SLC36A1: variants seen among roughly 807,000 people sequenced by gnomAD.
The protein encoded by SLC36A1 is proton-coupled amino acid transporter 1.
SLC36A1 carries 30 observed loss-of-function variants against 47.5 expected under a neutral mutation model. The ratio of observed to expected loss-of-function variants is 0.63; its 90% confidence interval spans 0.47 to 0.86. The LOEUF is 0.86. SLC36A1 is among the 40% of genes least tolerant of loss of function. The pLI is 0.00. For synonymous variants in SLC36A1, 255 were observed against 249.7 expected (o/e 1.02, Z -0.20); for missense variants, 517 against 606.0 (o/e 0.85, Z 1.54).
the SLC36A1 span, among the ~76,000 whole-genome samples, chr5:151,430,239 A>G: frequency 6.7e-6 from 1 of 149,624 alleles, no homozygotes; most frequent in African/African-American, 2.5e-5. Context: ...ATCTTGACTC[A>G]GTGCAACCTC....
At chr5:151,471,749 C>G (rs1757341391) in intron 7 of SLC36A1, among the ~76,000 whole-genome samples, 1 of 152,136 alleles carries the variant, frequency 6.6e-6, no homozygotes, top group African/African-American at 2.4e-5. Flanking sequence ...GCTTTGAAAT[C>G]TTTCAAAGTG....
the SLC36A1 span, among the ~76,000 whole-genome samples, chr5:151,416,417 C>T: frequency 6.6e-6 from 1 of 152,348 alleles, no homozygotes; most frequent in South Asian, 2.1e-4. Flanking sequence ...TCCAAGACCA[C>T]TCCGAAGGGC....
the SLC36A1 span, chr5:151,554,443 C>T: frequency 3.1e-6 from 5 of 1,614,216 alleles, no homozygotes; most frequent in Middle Eastern, 1.6e-4. Context: ...TGAAGGCCTC[C>T]TCATCGCTGT....
At chr5:151,546,776 T>C in the SLC36A1 span, among the ~76,000 whole-genome samples, 1 of 152,078 alleles carries the variant, frequency 6.6e-6, no homozygotes, top group Non-Finnish European at 1.5e-5. Context: ...TGGAATGTAG[T>C]GATGTGAGCA....
At chr5:151,418,548 C>T in the SLC36A1 span, among the ~76,000 whole-genome samples, 7 of 152,190 alleles carry the variant, frequency 4.6e-5, no homozygotes, top group Non-Finnish European at 8.8e-5. Flanking sequence ...GGATTTTGGG[C>T]TTGCATGGAG....
chr5:151,431,571 T>G, the SLC36A1 span, among the ~76,000 whole-genome samples: 1,742 of 152,266 alleles, frequency 0.011, 27 homozygotes, highest in African/African-American at 0.039. Context: ...GACCCGGTGA[T>G]AGGTAATTGA....
chr5:151,554,723 T>G, the SLC36A1 span: 16,086 of 1,422,702 alleles, frequency 0.011, 114 homozygotes, highest in Non-Finnish European at 0.014. Flanking sequence ...TGCAAATTAG[T>G]GACTATGCTT....
chr5:151,349,983 GA>G, the SLC36A1 span, among the ~76,000 whole-genome samples: 1 of 152,178 alleles, frequency 6.6e-6, no homozygotes, highest in African/African-American at 2.4e-5. Flanking sequence ...AACCAAGGCA[GA>G]GAGCTGGGAA....
upstream of SLC36A1, among the ~76,000 whole-genome samples, chr5:151,432,819 C>T (rs78069136): frequency 0.011 from 1,708 of 152,238 alleles, 27 homozygotes; most frequent in African/African-American, 0.039. Context: ...AGCAGTCACA[C>T]AGCAAGAAGC....
intron 2 of SLC36A1, among the ~76,000 whole-genome samples, chr5:151,461,705 T>A (rs971367735): frequency 1.3e-5 from 2 of 152,240 alleles, no homozygotes; most frequent in African/African-American, 4.8e-5. Context: ...TGGCACCAAA[T>A]TATACTAGTT....
At chr5:151,388,988 T>G in the SLC36A1 span, among the ~76,000 whole-genome samples, 5 of 152,174 alleles carry the variant, frequency 3.3e-5, no homozygotes, top group Non-Finnish European at 4.4e-5. Context: ...CCCACTGCTT[T>G]TAAGGGACAT....
At chr5:151,520,215 G>T in the SLC36A1 span, among the ~76,000 whole-genome samples, 1 of 152,258 alleles carries the variant, frequency 6.6e-6, no homozygotes, top group African/African-American at 2.4e-5. Context: ...AGGCAGGAGC[G>T]CTGGTGAGCT....
At chr5:151,395,476 A>G in the SLC36A1 span, among the ~76,000 whole-genome samples, 81 of 152,298 alleles carry the variant, frequency 5.3e-4, no homozygotes, top group African/African-American at 1.9e-3. Flanking sequence ...AAATGCAGAA[A>G]TAACCTGTCT....
At chr5:151,498,917 C>T in the SLC36A1 span, among the ~76,000 whole-genome samples, 4 of 152,212 alleles carry the variant, frequency 2.6e-5, no homozygotes, top group Non-Finnish European at 4.4e-5. Flanking sequence ...CTCATACCTG[C>T]CTGCGCTGGA....
chr5:151,402,925 G>A, the SLC36A1 span, among the ~76,000 whole-genome samples: 1,222 of 152,150 alleles, frequency 8.0e-3, 20 homozygotes, highest in African/African-American at 0.028. Context: ...CTAGTGGTCT[G>A]TCAGTCTTGT....
the SLC36A1 span, chr5:151,543,640 A>G: frequency 6.2e-7 from 1 of 1,614,082 alleles, no homozygotes; most frequent in East Asian, 2.2e-5. Context: ...CTTGGTTCCA[A>G]CCATTGCATT....
chr5:151,347,685 G>C, the SLC36A1 span: 3 of 574,196 alleles, frequency 5.2e-6, no homozygotes, highest in Non-Finnish European at 9.3e-6. Flanking sequence ...AGAGGAAGGA[G>C]GGATTTGGAA....
At chr5:151,525,849 G>T in the SLC36A1 span, 1 of 1,614,064 alleles carries the variant, frequency 6.2e-7, no homozygotes, top group Non-Finnish European at 8.5e-7. Flanking sequence ...GGGTCACTCG[G>T]AAGGCAGAGC....
At chr5:151,392,526 T>G in the SLC36A1 span, among the ~76,000 whole-genome samples, 1 of 152,252 alleles carries the variant, frequency 6.6e-6, no homozygotes, top group East Asian at 1.9e-4. Flanking sequence ...CCTGCTTTCT[T>G]TTGTGGGCAT....
Sources: allele counts gnomAD v4.1 joint callset (sites outside exome capture counted in the v4.1 genomes callset), GRCh38; gene constraint gnomAD v4.1.1; transcripts MANE v1.5; gene names NCBI Gene and HGNC (gene_info 2026-07-23, HGNC 2026-07-21).